The following PARVB variants were observed in gnomAD, a reference collection of about 807,000 sequenced individuals.
The protein encoded by PARVB is parvin beta.
PARVB carries 46 observed loss-of-function variants against 47.0 expected under a neutral mutation model. That is an observed-to-expected ratio of 0.98 (90% CI 0.77 to 1.25). The LOEUF is 1.25. Among genes scored for constraint, PARVB ranks in the 50% most tolerant of loss-of-function variants. The pLI, the probability that PARVB is intolerant of heterozygous loss-of-function variation, is 0.00. For synonymous variants in PARVB, 196 were observed against 196.3 expected, an observed-to-expected ratio of 1.00 and a Z score of 0.01; for missense variants, 473 against 471.6, an observed-to-expected ratio of 1.00 and a Z score of -0.03.
intron 9 of PARVB, chr22:44,149,722 C>T (rs2147143365): frequency 6.6e-6 from 1 of 152,452 alleles, no homozygotes; most frequent in South Asian, 2.1e-4. Context: ...CCCACCACTA[C>T]ACGCATATGG....
chr22:44,004,538 C>T (rs2050445047), intron 2 of PARVB, among the ~76,000 whole-genome samples: 1 of 152,182 alleles, frequency 6.6e-6, no homozygotes, highest in South Asian at 2.1e-4. Flanking sequence ...ACCTCCCTAG[C>T]ATGGCTGCAG....
rs561442991 is a variant in PARVB at position 44,090,942 on chromosome 22, ACT to A, written c.113-2981_113-2980del. Reference sequence around the variant, plus strand: ...CTTTTAAGACTCTCTGCTGGTTACAACTCTCTTTGTAACTCGTCATGTGGTAC... The same window carrying A: ...CTTTTAAGACTCTCTGCTGGTTACAACTCTTTGTAACTCGTCATGTGGTAC... On this transcript the variant is annotated intron_variant, in intron 1 of 12. Coordinates refer to ENST00000338758, the MANE Select transcript of PARVB (RefSeq NM_013327.5). Among the ~76,000 whole-genome samples the A allele has an allele frequency of 3.2e-3, 488 of 151,960 alleles. 2 individuals are homozygous for A. The highest frequency in any genetic ancestry group is 5.3e-3 in the Non-Finnish European group (358 of 67,962).
At chr22:44,000,041 CCAGGGT>C (rs2050398983) in intron 2 of PARVB, among the ~76,000 whole-genome samples, 1 of 152,000 alleles carries the variant, frequency 6.6e-6, no homozygotes, top group Non-Finnish European at 1.5e-5. Context: ...AGCAGTGAGC[CCAGGGT>C]CAGGGGCCCT....
chr22:44,127,452 A>C (rs1205842718), intron 4 of PARVB, among the ~76,000 whole-genome samples: 10 of 152,312 alleles, frequency 6.6e-5, no homozygotes, highest in Non-Finnish European at 1.3e-4. Context: ...AATGACACTG[A>C]TGTAGGCATT....
intron 1 of PARVB, chr22:44,039,976 C>T (rs948033341): frequency 1.1e-5 from 4 of 371,350 alleles, no homozygotes; most frequent in Admixed American, 6.1e-5. Flanking sequence ...CACTACACCC[C>T]GCTAATTTCA....
At chr22:44,119,255 A>G (rs1696750438) in intron 4 of PARVB, 115 bp downstream of exon 4, 2 of 755,056 alleles carry the variant, frequency 2.6e-6, no homozygotes, top group African/African-American at 1.7e-5. Flanking sequence ...AAGACACTCA[A>G]AGCTGCAGTG....
chr22:44,118,154 C>T (rs1020701110), intron 3 of PARVB, among the ~76,000 whole-genome samples: 2 of 152,084 alleles, frequency 1.3e-5, no homozygotes, highest in Non-Finnish European at 1.5e-5. Context: ...GGGTGATAAC[C>T]GAAATAACCA....
chr22:44,065,075 C>T (rs1283221254), intron 1 of PARVB, among the ~76,000 whole-genome samples: 1 of 152,184 alleles, frequency 6.6e-6, no homozygotes, highest in Non-Finnish European at 1.5e-5. Context: ...TATGTGGGGC[C>T]AGCCCAGCCT....
chr22:44,083,084 A>G (rs1165833115), intron 1 of PARVB, among the ~76,000 whole-genome samples: 2 of 152,172 alleles, frequency 1.3e-5, no homozygotes, highest in East Asian at 1.9e-4. Context: ...TCCTGAGCCC[A>G]TCAGCCTCTA....
chr22:44,151,214 T>G, intron 9 of PARVB: 1 of 369,990 alleles, frequency 2.7e-6, no homozygotes, highest in Non-Finnish European at 5.1e-6. Flanking sequence ...GTATGATTGT[T>G]AAATATGTCA....
intron 1 of PARVB, among the ~76,000 whole-genome samples, chr22:44,075,078 G>A (rs1420002662): frequency 6.6e-6 from 1 of 152,144 alleles, no homozygotes; most frequent in Non-Finnish European, 1.5e-5. Flanking sequence ...GTCTCCAGAT[G>A]CCACTACGTA....
At chr22:44,122,472 T>C (rs2053068503) in intron 4 of PARVB, among the ~76,000 whole-genome samples, 1 of 125,932 alleles carries the variant, frequency 7.9e-6, no homozygotes, top group African/African-American at 3.0e-5. Flanking sequence ...GGCAACAGAG[T>C]GAGACCCTGT....
At chr22:44,011,753 A>G (rs1324594396) in intron 2 of PARVB, among the ~76,000 whole-genome samples, 2 of 152,050 alleles carry the variant, frequency 1.3e-5, no homozygotes, top group Non-Finnish European at 2.9e-5. Flanking sequence ...ATGATGTGCT[A>G]TGGCCGCCAC....
chr22:44,085,673 G>A (rs369489398), intron 1 of PARVB, among the ~76,000 whole-genome samples: 21 of 152,278 alleles, frequency 1.4e-4, no homozygotes, highest in Admixed American at 1.2e-3. Flanking sequence ...ATTGTGCATC[G>A]AATCCTTCAC....
At chr22:44,051,523 G>C (rs1488489986) in intron 1 of PARVB, among the ~76,000 whole-genome samples, 2 of 152,186 alleles carry the variant, frequency 1.3e-5, no homozygotes, top group Non-Finnish European at 2.9e-5. Flanking sequence ...GCAACAGCAG[G>C]AAAAGGAAGG....
chr22:44,154,971 G>C (rs552176390), intron 10 of PARVB, among the ~76,000 whole-genome samples: 1 of 139,272 alleles, frequency 7.2e-6, no homozygotes, highest in Admixed American at 7.2e-5. Context: ...TTTGTAGTCT[G>C]TGTGGTGTGT....
chr22:44,074,424 C>G (rs2051722408), intron 1 of PARVB, among the ~76,000 whole-genome samples: 1 of 152,242 alleles, frequency 6.6e-6, no homozygotes, highest in Non-Finnish European at 1.5e-5. Context: ...CTGGCCATCC[C>G]TGCATGGCCC....
At chr22:44,031,188 C>T (rs563831012) in intron 1 of PARVB, among the ~76,000 whole-genome samples, 5 of 152,180 alleles carry the variant, frequency 3.3e-5, no homozygotes, top group East Asian at 1.9e-4. Context: ...GAGGTCACTG[C>T]GACGCTGCCC....
intron 4 of PARVB, among the ~76,000 whole-genome samples, chr22:44,122,582 G>GAGAGACAGAGAGAC (rs2053091795): frequency 7.5e-6 from 1 of 132,768 alleles, no homozygotes; most frequent in African/African-American, 3.6e-5. Flanking sequence ...GAGAGAGAGA[G>GAGAGACAGAGAGAC]AGAGAGAGAG....
Sources: allele counts gnomAD v4.1 joint callset (sites outside exome capture counted in the v4.1 genomes callset), GRCh38; gene constraint gnomAD v4.1.1; transcripts MANE v1.5; gene names NCBI Gene and HGNC (gene_info 2026-07-23, HGNC 2026-07-21).